CFAP92: variants seen among roughly 807,000 people sequenced by gnomAD.
CFAP92 encodes uncharacterized protein CFAP92.
In CFAP92, 86 loss-of-function variants were observed where a neutral mutation model predicts 106.3. The observed-to-expected ratio is 0.81, with a 90% CI of 0.68 to 0.97. The LOEUF (loss-of-function observed/expected upper bound fraction) is 0.97, where lower values mean the gene tolerates loss of function less well. CFAP92 is among the 50% of genes least tolerant of loss of function. CFAP92 has a pLI of 0.00. For missense variants in CFAP92, 1,204 were observed against 1,283.8 expected (o/e 0.94, Z 0.95); for synonymous variants, 477 against 506.4 (o/e 0.94, Z 0.78).
intron 8 of CFAP92, 73 bp from the exon 9 acceptor site, chr3:128,965,768 C>A (rs1449991412): frequency 1.0e-5 from 4 of 396,226 alleles, no homozygotes; most frequent in Non-Finnish European, 1.8e-5. Flanking sequence ...GATCAAGCAA[C>A]CTGAGATGAG....
chr3:128,937,785 G>A (rs1243720053), intron 10 of CFAP92, among the ~76,000 whole-genome samples: 1 of 152,014 alleles, frequency 6.6e-6, no homozygotes, highest in Non-Finnish European at 1.5e-5. Context: ...TTTAGGCCAG[G>A]TGCACTGGCT....
At chr3:128,920,768 C>T (rs115133755) in intron 12 of CFAP92, among the ~76,000 whole-genome samples, 2,810 of 152,298 alleles carry the variant, frequency 0.018, 87 homozygotes, top group African/African-American at 0.063. Context: ...GCCACAAGGG[C>T]GTGGCTTGGA....
intron 15 of CFAP92, among the ~76,000 whole-genome samples, chr3:128,913,431 A>G (rs533121008): frequency 1.3e-4 from 20 of 152,302 alleles, no homozygotes; most frequent in African/African-American, 4.8e-4. Flanking sequence ...CCAGGCCAGC[A>G]GGCCTTTGCA....
chr3:128,988,472 A>C (rs922116584), intron 3 of CFAP92, among the ~76,000 whole-genome samples: 10 of 152,080 alleles, frequency 6.6e-5, no homozygotes, highest in African/African-American at 2.4e-4. Context: ...ACCGGGAGGC[A>C]GAGGTTGTGG....
At chr3:128,984,302 A>G (rs1943714591) in intron 4 of CFAP92, among the ~76,000 whole-genome samples, 1 of 152,158 alleles carries the variant, frequency 6.6e-6, no homozygotes, top group African/African-American at 2.4e-5. Flanking sequence ...TTAACATTTG[A>G]GTCAGTGGAC....
intron 9 of CFAP92, among the ~76,000 whole-genome samples, chr3:128,947,789 A>G (rs557216450): frequency 5.9e-5 from 9 of 152,262 alleles, no homozygotes; most frequent in African/African-American, 1.9e-4. Context: ...ACGAGCTACA[A>G]CTGCACCACT....
At chr3:128,915,315 C>T (rs1936718062) in intron 14 of CFAP92, 40 bp from the exon 15 acceptor site, 1 of 1,535,896 alleles carries the variant, frequency 6.5e-7, no homozygotes, top group Non-Finnish European at 8.7e-7. Flanking sequence ...GAGAAAGGTC[C>T]CTATGGACAC....
chr3:128,975,745 T>C (rs760355160), intron 7 of CFAP92, 34 bp downstream of exon 7: 5 of 1,460,840 alleles, frequency 3.4e-6, no homozygotes, highest in East Asian at 2.3e-5. Flanking sequence ...AGTCTAGTTA[T>C]ATTATAAAAT....
In CFAP92 at chr3:128,932,937, C is replaced by T. The variant is rs915445845; in HGVS notation, c.2514G>A (p.Leu838=). 14 of 1,536,034 alleles carry T rather than the reference C, an allele frequency of 9.1e-6. No homozygotes were observed. Among genetic ancestry groups the T allele is most frequent in the African/African-American group, 6.8e-5 (5 of 73,028 alleles). ...TLWDVTVRDL[L]PSSAMIKDLS... is the part of the protein sequence containing the mutation. The stretch of plus-strand genomic sequence containing the variant: ...AGTCTTTTATCATAGCAGAGGAGGG[C>T]AGCAGGTCCCTCACCGTCACGTCCC... Residue 838 remains leucine, a synonymous_variant, in exon 12 of 16, where the codon CTG becomes CTA. Coordinates refer to ENST00000645291, the MANE Select transcript of CFAP92 (RefSeq NM_001394090.1).
intron 4 of CFAP92, among the ~76,000 whole-genome samples, chr3:128,978,793 C>A (rs1203570622): frequency 6.6e-6 from 1 of 152,154 alleles, no homozygotes; most frequent in Non-Finnish European, 1.5e-5. Flanking sequence ...ACACCTTATA[C>A]AAAAATTAAT....
intron 10 of CFAP92, among the ~76,000 whole-genome samples, chr3:128,941,985 G>A (rs1049447022): frequency 6.6e-6 from 1 of 152,064 alleles, no homozygotes; most frequent in Non-Finnish European, 1.5e-5. Flanking sequence ...TGATATTTCT[G>A]CCACTGGAAA....
intron 9 of CFAP92, among the ~76,000 whole-genome samples, chr3:128,960,944 T>C (rs962153201): frequency 1.2e-4 from 19 of 152,066 alleles, no homozygotes; most frequent in Admixed American, 1.3e-4. Flanking sequence ...TCCCTCCGGG[T>C]CTCTATGCTC....
chr3:128,980,366 C>CAA (rs71153158), intron 4 of CFAP92, among the ~76,000 whole-genome samples: 13 of 100,660 alleles, frequency 1.3e-4, no homozygotes, highest in Admixed American at 4.2e-4. Context: ...GACCCTGTCT[C>CAA]AAAAAAAAAA....
At chr3:128,922,308 A>G (rs910279992) in intron 12 of CFAP92, among the ~76,000 whole-genome samples, 3 of 151,640 alleles carry the variant, frequency 2.0e-5, no homozygotes, top group Non-Finnish European at 4.4e-5. Context: ...GTGCCACTGC[A>G]CTCCAGCCTG....
intron 12 of CFAP92, among the ~76,000 whole-genome samples, chr3:128,932,278 C>T (rs1384066683): frequency 1.3e-5 from 2 of 152,152 alleles, no homozygotes; most frequent in Non-Finnish European, 2.9e-5. Flanking sequence ...ACCAGCTTCT[C>T]AGTCTCCCAT....
At chr3:128,963,931 G>C (rs1942162164) in intron 9 of CFAP92, among the ~76,000 whole-genome samples, 1 of 151,882 alleles carries the variant, frequency 6.6e-6, no homozygotes, top group Non-Finnish European at 1.5e-5. Flanking sequence ...CAACATGCCC[G>C]AGTCAGGAAA....
At chr3:128,997,469 C>T (rs575298490), upstream of CFAP92, among the ~76,000 whole-genome samples, 127 of 152,340 alleles carry the variant, frequency 8.3e-4, no homozygotes, top group Non-Finnish European at 1.7e-3. Context: ...TAATTAATCT[C>T]TGTTCCAACT....
At chr3:128,910,859 G>A (rs768560744) in intron 15 of CFAP92, 1 of 1,600,036 alleles carries the variant, frequency 6.2e-7, no homozygotes. Context: ...CCACTTCTAG[G>A]CCCCTATTGA....
intron 8 of CFAP92, chr3:128,968,571 C>T (rs1056543194): frequency 7.9e-6 from 1 of 127,242 alleles, no homozygotes; most frequent in African/African-American, 3.5e-5. Context: ...TGCCTCCACA[C>T]CTGCACCCCC....
Sources: allele counts gnomAD v4.1 joint callset (sites outside exome capture counted in the v4.1 genomes callset), GRCh38; gene constraint gnomAD v4.1.1; transcripts MANE v1.5; gene names NCBI Gene and HGNC (gene_info 2026-07-23, HGNC 2026-07-21).